CAMKK2: variants seen among roughly 807,000 people sequenced by gnomAD.
CAMKK2 encodes calcium/calmodulin dependent protein kinase kinase 2, also known as calcium/calmodulin-dependent protein kinase kinase 2.
Under a neutral mutation model 67.2 loss-of-function variants are expected in CAMKK2, and 30 were observed. That is an observed-to-expected ratio of 0.45 (90% CI 0.33 to 0.61). The LOEUF (loss-of-function observed/expected upper bound fraction) is 0.61. Among genes scored for constraint, CAMKK2 ranks in the 20% least tolerant of loss-of-function variants. The pLI is 0.02. For missense variants in CAMKK2, 643 were observed against 802.0 expected (o/e 0.80, Z 2.39); for synonymous variants, 322 against 326.2 (o/e 0.99, Z 0.14).
intron 11 of CAMKK2, 106 bp from the exon 12 acceptor site, chr12:121,250,140 C>T (rs1454127629): frequency 1.1e-6 from 1 of 873,440 alleles, no homozygotes; most frequent in Non-Finnish European, 1.8e-6. Flanking sequence ...GAGAAATCAA[C>T]AATTGCGGCC....
chr12:121,249,157 C>G (rs1190205360), intron 13 of CAMKK2, among the ~76,000 whole-genome samples: 2 of 152,216 alleles, frequency 1.3e-5, no homozygotes, highest in African/African-American at 4.8e-5. Context: ...AGGACAGGAT[C>G]AGGAGAGGAC....
Position 121,240,435 on chromosome 12 carries a change from C to G in CAMKK2, c.*264G>C. The G allele has an allele frequency of 2.0e-6, 3 of 1,522,110 alleles. No homozygotes were observed. Among genetic ancestry groups the G allele is most frequent in the Non-Finnish European group, 2.6e-6 (3 of 1,143,180 alleles). The allele number at this position is 1,522,110 out of a possible 1,614,324, so 94.3% of individuals were successfully genotyped here. ...AAAAACGTTTTAAAAAGCAATTGTCCCAAAATGCACGTGGGTTTGGGTCTG... is the reference window on the plus strand; with the variant it reads ...AAAAACGTTTTAAAAAGCAATTGTCGCAAAATGCACGTGGGTTTGGGTCTG... On this transcript the variant is annotated 3_prime_UTR_variant, in exon 17 of 17. Transcript: ENST00000404169. This position sits in a 1 kb window ranked among gnomAD's most constrained non-coding sequence, Gnocchi z 4.4.
Position 121,240,144 on chromosome 12 carries a change from A to G in CAMKK2, c.*555T>C, listed in dbSNP as rs560256447. ...AAAAATTTAAAAATCCTTCTTACAA[A>G]TAAGTTGCATCAAAGCTCCCTGCAG... On this transcript the variant is annotated 3_prime_UTR_variant, in exon 17 of 17. Transcript: ENST00000404169. This position sits in a 1 kb window ranked among gnomAD's most constrained non-coding sequence, Gnocchi z 4.4. 2.7e-6 allele frequency: 1 copy of G among 376,418 alleles called. No individual in the cohort carries two copies. The highest frequency in any genetic ancestry group is 2.1e-5 in the African/African-American group (1 of 48,214). 23.3% of individuals were successfully genotyped at this position (376,418 alleles called of 1,614,324 possible).
chr12:121,253,484 T>C lies in CAMKK2; in HGVS notation c.908-12A>G. The C allele has an allele frequency of 6.2e-7, 1 of 1,613,270 alleles. No individual in the cohort carries two copies. Among genetic ancestry groups the C allele is most frequent in the Non-Finnish European group, 8.5e-7 (1 of 1,179,334 alleles). ...CTTCTGGTAGTGTACTGGGGAGGCG[T>C]AGACAGCAGGTGGGAGATAGGGGCA... On this transcript the variant is annotated splice_polypyrimidine_tract_variant and intron_variant, in intron 9 of 16. Transcript: ENST00000404169. The surrounding 1 kb of genome is among the most constrained non-coding windows in gnomAD (Gnocchi z 5.0).
At chr12:121,250,373 C>G (rs796469953) in intron 11 of CAMKK2, among the ~76,000 whole-genome samples, 19 of 152,298 alleles carry the variant, frequency 1.2e-4, no homozygotes, top group African/African-American at 4.3e-4. Flanking sequence ...ACAGGAACAA[C>G]AAGAATAACA....
intron 3 of CAMKK2, among the ~76,000 whole-genome samples, chr12:121,270,267 G>A (rs1895485219): frequency 2.0e-5 from 3 of 152,132 alleles, no homozygotes; most frequent in Middle Eastern, 3.4e-3. Context: ...CTACTTGGGA[G>A]GCTGAGGCAG....
intron 6 of CAMKK2, among the ~76,000 whole-genome samples, chr12:121,263,188 G>A (rs1893825893): frequency 6.6e-6 from 1 of 152,188 alleles, no homozygotes; most frequent in Admixed American, 6.5e-5. Flanking sequence ...CAAAAAGTAT[G>A]AGAACGGCTG....
chr12:121,252,459 G>A (rs555867992), intron 11 of CAMKK2, among the ~76,000 whole-genome samples: 6 of 152,172 alleles, frequency 3.9e-5, no homozygotes, highest in South Asian at 2.1e-4. Flanking sequence ...TAGTAAAGAC[G>A]GGGTTTCACC....
At chr12:121,257,347 A>G (rs970473054) in intron 7 of CAMKK2, among the ~76,000 whole-genome samples, 2 of 151,858 alleles carry the variant, frequency 1.3e-5, no homozygotes, top group Admixed American at 1.3e-4. Flanking sequence ...CCTGGGTTCA[A>G]GCGATTCTTC....
intron 1 of CAMKK2, among the ~76,000 whole-genome samples, chr12:121,287,968 T>C (rs1405758025): frequency 6.6e-6 from 1 of 152,138 alleles, no homozygotes; most frequent in Non-Finnish European, 1.5e-5. Context: ...AAAGGCTCTG[T>C]CTCGAAAATT....
intron 1 of CAMKK2, among the ~76,000 whole-genome samples, chr12:121,295,225 T>G (rs1400003258): frequency 1.3e-5 from 2 of 152,240 alleles, no homozygotes; most frequent in African/African-American, 4.8e-5. Flanking sequence ...AAATGATGGC[T>G]ATTACTCTTC....
rs1340469233 is a variant in CAMKK2 at position 121,274,044 on chromosome 12, C to T, written c.471+12G>A. 2.0e-5 allele frequency: 30 copies of T among 1,470,754 alleles called. No individual in the cohort carries two copies. Among genetic ancestry groups the T allele is most frequent in the South Asian group, 2.8e-5 (2 of 70,436 alleles). 91.1% of individuals were successfully genotyped at this position (1,470,754 alleles called of 1,614,324 possible). A position where few individuals can be genotyped will look rare whatever the true frequency, so the allele number is the denominator to read the frequency against. On this transcript the variant is annotated intron_variant, in intron 2 of 16. Coordinates refer to ENST00000404169, the MANE Select transcript of CAMKK2 (RefSeq NM_001270485.2). ...GGACCCCTAGGACCTGGCTCACCAC[C>T]GGCTCACGCACCTGCATACCCGTGA...
In CAMKK2 at chr12:121,249,818, G is replaced by T. The variant is rs1890295732; in HGVS notation, c.1292C>A (p.Pro431His). The T allele has an allele frequency of 1.2e-6, 2 of 1,614,054 alleles. No individual in the cohort carries two copies. Among genetic ancestry groups the T allele is most frequent in the Non-Finnish European group, 8.5e-7 (1 of 1,180,028 alleles). The change falls in exon 13 of 17, where the codon CCC becomes CAC. Residue 431 changes from proline (P) to histidine (H), a missense_variant. Pro to His is a moderately conservative substitution (Grantham distance 77, BLOSUM62 -2). Coordinates refer to ENST00000404169, the MANE Select transcript of CAMKK2 (RefSeq NM_001270485.2). ...DLITRMLDKN[P>H]ESRIVVPEIK... ...TTCCGGCACCACGATCCTCGACTCG[G>T]GGTTCTTGTCCAGCATACGGGTGAT...
chr12:121,250,025 T>A lies in CAMKK2; in HGVS notation c.1171A>T (p.Met391Leu), dbSNP rs1267930874. 1.9e-6 allele frequency: 3 copies of A among 1,612,608 alleles called. No homozygotes were observed. In the African/African-American group the frequency reaches 4.0e-5, roughly 22 times the overall value. The change falls in exon 12 of 17, where the codon ATG becomes TTG. Residue 391 changes from methionine to leucine, a missense_variant. By Grantham distance (15) the Met-to-Leu change is conservative. This residue lies in a region of CAMKK2 where 483 missense variants were observed against 625.8 expected (regional missense o/e 0.77). Coordinates refer to ENST00000404169, the MANE Select transcript of CAMKK2 (RefSeq NM_001270485.2). ...TGTAAACACATGATCCGCTCGTCCA[T>A]GAATGGGCACTGCAAAGAGGCCAGG... Reference protein sequence around the residue: ...YCFVFGQCPFMDERIMCLHSK... With the variant: ...YCFVFGQCPFLDERIMCLHSK...
At chr12:121,293,639 G>C (rs1045448039) in intron 1 of CAMKK2, among the ~76,000 whole-genome samples, 11 of 151,688 alleles carry the variant, frequency 7.3e-5, no homozygotes, top group African/African-American at 2.4e-4. Flanking sequence ...TTCCATCTAG[G>C]ATGAGGTTCT....
intron 13 of CAMKK2, among the ~76,000 whole-genome samples, chr12:121,249,316 T>C (rs1890164342): frequency 6.6e-6 from 1 of 152,350 alleles, no homozygotes; most frequent in East Asian, 1.9e-4. Flanking sequence ...GATATATGTG[T>C]GTGGCATTAG....
intron 4 of CAMKK2, 41 bp from the exon 5 acceptor site, chr12:121,268,730 T>G (rs1718120): frequency 0.51 from 816,551 of 1,602,840 alleles, 216,701 homozygotes; most frequent in African/African-American, 0.89. Flanking sequence ...CCAGGTCCTG[T>G]TTAAAGCAGG....
intron 13 of CAMKK2, among the ~76,000 whole-genome samples, chr12:121,249,452 C>T (rs979114129): frequency 2.0e-5 from 3 of 152,320 alleles, no homozygotes; most frequent in Admixed American, 6.5e-5. Flanking sequence ...CTCAAAGGGA[C>T]GGGCCTTTGG....
chr12:121,264,353 C>A (rs1223523780), intron 5 of CAMKK2, among the ~76,000 whole-genome samples: 2 of 152,204 alleles, frequency 1.3e-5, no homozygotes, highest in Non-Finnish European at 2.9e-5. Context: ...GCACAGATGG[C>A]TGGCTGGGCG....
Sources: allele counts gnomAD v4.1 joint callset (sites outside exome capture counted in the v4.1 genomes callset), GRCh38; gene constraint gnomAD v4.1.1; regional missense constraint gnomAD v4.1.1; non-coding constraint Gnocchi (gnomAD v3.1); transcripts MANE v1.5; gene names NCBI Gene and HGNC (gene_info 2026-07-23, HGNC 2026-07-21).